The following CCDC91 variants were observed in gnomAD, a reference collection of about 807,000 sequenced individuals.
CCDC91 encodes the protein coiled-coil domain containing 91.
In CCDC91, 48 loss-of-function variants were observed where a neutral mutation model predicts 63.2. The ratio of observed to expected loss-of-function variants is 0.76; its 90% CI spans 0.60 to 0.97. CCDC91 has a LOEUF of 0.97. Among genes scored for constraint, CCDC91 ranks in the 50% least tolerant of loss-of-function variants. The probability of loss-of-function intolerance (pLI) is 0.00; values close to 1 mark genes in which losing one functional copy is unlikely to be tolerated. For synonymous variants in CCDC91, 167 were observed against 165.8 expected (o/e 1.01, Z -0.06); for missense variants, 500 against 494.6 (o/e 1.01, Z -0.10).
At chr12:28,380,923 TTTTA>T (rs1268374090) in intron 7 of CCDC91, among the ~76,000 whole-genome samples, 4 of 152,242 alleles carry the variant, frequency 2.6e-5, no homozygotes, top group African/African-American at 9.6e-5. Context: ...ACAGATTTAT[TTTTA>T]TTTATTAGCC....
intron 1 of CCDC91, among the ~76,000 whole-genome samples, chr12:28,217,011 A>G (rs1035759343): frequency 3.3e-5 from 5 of 152,136 alleles, no homozygotes; most frequent in Admixed American, 2.6e-4. Flanking sequence ...GAATTACAGT[A>G]CATTCGTATA....
intron 12 of CCDC91, among the ~76,000 whole-genome samples, chr12:28,515,328 T>C: frequency 6.6e-6 from 1 of 151,890 alleles, no homozygotes; most frequent in East Asian, 1.9e-4. Context: ...TTATTGGTTT[T>C]GTGAAATGTG....
At chr12:28,459,830 T>C (rs1350519633) in intron 11 of CCDC91, among the ~76,000 whole-genome samples, 2 of 152,156 alleles carry the variant, frequency 1.3e-5, no homozygotes, top group Non-Finnish European at 2.9e-5. Flanking sequence ...TTCATGTAGA[T>C]TCAAAAGATA....
chr12:28,478,955 G>A (rs146938930), intron 11 of CCDC91, among the ~76,000 whole-genome samples: 2,325 of 151,798 alleles, frequency 0.015, 23 homozygotes, highest in African/African-American at 0.025. Flanking sequence ...TTAAAATATC[G>A]GGAAACAACA....
At chr12:28,497,955 T>G (rs1473221897) in intron 12 of CCDC91, among the ~76,000 whole-genome samples, 11 of 151,628 alleles carry the variant, frequency 7.3e-5, no homozygotes, top group Non-Finnish European at 1.5e-4. Flanking sequence ...TTCCCTTTCC[T>G]TATGTATCAT....
At chr12:28,309,825 G>C (rs1939131793) in intron 6 of CCDC91, among the ~76,000 whole-genome samples, 1 of 151,954 alleles carries the variant, frequency 6.6e-6, no homozygotes, top group Non-Finnish European at 1.5e-5. Context: ...TCTTGTGGAG[G>C]CTTTTCTTAA....
At chr12:28,466,062 C>T (rs1950534523) in intron 11 of CCDC91, among the ~76,000 whole-genome samples, 1 of 142,446 alleles carries the variant, frequency 7.0e-6, no homozygotes, top group Non-Finnish European at 1.6e-5. Flanking sequence ...AGTAGCAGAA[C>T]TGACAAAGAA....
chr12:28,278,527 A>G (rs1263579936), intron 3 of CCDC91, among the ~76,000 whole-genome samples: 1 of 152,044 alleles, frequency 6.6e-6, no homozygotes, highest in Non-Finnish European at 1.5e-5. Context: ...TTTCGCACTT[A>G]ATAAAATCAC....
chr12:28,190,602 C>T lies in CCDC91; in HGVS notation c.-54C>T. ...TGGCTCACCGGGCAGCGTGGGTGAG[C>T]GGCGCAGCGGCGGCAGCGGAGAGCG... On this transcript the variant is annotated 5_prime_UTR_variant, in exon 1 of 13. Transcript: ENST00000536442. 1.3e-5 allele frequency: 2 copies of T among 154,986 alleles called. No homozygotes were observed. The highest frequency in any genetic ancestry group is 2.8e-5 in the Non-Finnish European group (2 of 70,204). The allele number at this position is 154,986 out of a possible 1,614,324, so 9.6% of individuals were successfully genotyped here. A position where few individuals can be genotyped will look rare whatever the true frequency, so the allele number is the denominator to read the frequency against.
At chr12:28,481,043 A>AT (rs1270094751) in intron 11 of CCDC91, among the ~76,000 whole-genome samples, 12 of 152,054 alleles carry the variant, frequency 7.9e-5, no homozygotes, top group Non-Finnish European at 1.8e-4. Context: ...CTATTTAATC[A>AT]TAACAGTATA....
At chr12:28,273,529 A>G (rs1163776801) in intron 3 of CCDC91, among the ~76,000 whole-genome samples, 2 of 152,212 alleles carry the variant, frequency 1.3e-5, no homozygotes, top group African/African-American at 2.4e-5. Flanking sequence ...AATGATTGCC[A>G]TTCTAACTGG....
In CCDC91 at chr12:28,468,884, C is replaced by T. The variant is rs77698513; in HGVS notation, c.1102-15168C>T. The stretch of plus-strand genomic sequence containing the variant: ...TTGAAAAAGCATTTGATGAAATTCA[C>T]CATTTCTTCATGATAAAAACCCTTA... On this transcript the variant is annotated intron_variant, in intron 11 of 12. Coordinates refer to ENST00000536442, the MANE Select transcript of CCDC91 (RefSeq NM_018318.5). Among the ~76,000 whole-genome samples the T allele has an allele frequency of 2.2e-3, 337 of 152,072 alleles. 3 individuals carry two copies. The highest frequency in any genetic ancestry group is 7.7e-3 in the African/African-American group (319 of 41,538).
chr12:28,194,925 G>A (rs1298680877), intron 1 of CCDC91, among the ~76,000 whole-genome samples: 1 of 152,232 alleles, frequency 6.6e-6, no homozygotes, highest in Non-Finnish European at 1.5e-5. Context: ...TTCACTGTGA[G>A]TGTTACAGCT....
intron 1 of CCDC91, 91 bp from the exon 2 acceptor site, chr12:28,257,111 C>T: frequency 2.7e-6 from 2 of 736,186 alleles, no homozygotes; most frequent in Non-Finnish European, 4.6e-6. Flanking sequence ...TTCTAATTTA[C>T]AAATAAATAT....
rs1045369836 is a variant in CCDC91, at chr12:28,323,305, C to T, written c.576+15556C>T. On this transcript the variant is annotated intron_variant, in intron 6 of 12. Transcript: ENST00000536442. ...TTTAACTTTTGATCTATCTGGACTT[C>T]GTATTGATAGAGTGAGATAGAGTCT... 5.5e-4 allele frequency among the ~76,000 whole-genome samples: 84 copies of T among 151,786 alleles called. 4 individuals carry two copies. The highest frequency in any genetic ancestry group is 6.8e-3 in the Middle Eastern group (2 of 294).
intron 6 of CCDC91, among the ~76,000 whole-genome samples, chr12:28,341,081 G>A (rs941621940): frequency 5.3e-5 from 8 of 152,130 alleles, no homozygotes; most frequent in East Asian, 3.9e-4. Context: ...TCTGCCAGTC[G>A]ATGGTCTGCT....
chr12:28,372,109 TTA>T (rs1442864668), intron 7 of CCDC91, among the ~76,000 whole-genome samples: 1 of 152,140 alleles, frequency 6.6e-6, no homozygotes, highest in African/African-American at 2.4e-5. Context: ...TTTCCTCAAT[TTA>T]TGTTTTTGTA....
chr12:28,218,699 T>TTGTGTGTG (rs60247849), intron 1 of CCDC91, among the ~76,000 whole-genome samples: 84 of 146,624 alleles, frequency 5.7e-4, no homozygotes, highest in Middle Eastern at 3.5e-3. Context: ...TTGCAGATGT[T>TTGTGTGTG]TGTGTGTGTG....
chr12:28,329,946 C>T (rs1308872542), intron 6 of CCDC91, among the ~76,000 whole-genome samples: 1 of 152,160 alleles, frequency 6.6e-6, no homozygotes, highest in Non-Finnish European at 1.5e-5. Flanking sequence ...GACATGGACT[C>T]ATCCTTTTTT....
Sources: gnomAD v4.1 joint callset for allele counts (sites outside exome capture counted in the v4.1 genomes callset) on GRCh38, gnomAD v4.1.1 for gene constraint, MANE v1.5 for transcripts, NCBI Gene and HGNC (gene_info 2026-07-23, HGNC 2026-07-21) for gene names.